The following SYTL5 variants were observed in gnomAD, a reference collection of about 807,000 sequenced individuals.
SYTL5 encodes the protein synaptotagmin-like protein 5.
A neutral mutation model predicts 55.9 loss-of-function variants in SYTL5; 34 were observed. The observed-to-expected ratio is 0.61, with a 90% CI of 0.46 to 0.81. The LOEUF is 0.81. SYTL5 is among the 30% of genes least tolerant of loss of function. The probability of loss-of-function intolerance (pLI) is 0.00; values close to 1 mark genes in which losing one functional copy is unlikely to be tolerated. For synonymous variants in SYTL5, 221 were observed against 188.7 expected, an observed-to-expected ratio of 1.17 and a Z score of -1.40; for missense variants, 637 against 546.7, an observed-to-expected ratio of 1.17 and a Z score of -1.65.
the SYTL5 span, among the ~76,000 whole-genome samples, chrX:37,982,066 A>G: frequency 3.6e-5 from 4 of 112,424 alleles, no homozygotes; most frequent in African/African-American, 1.3e-4. Context: ...AAAGCAGGCA[A>G]CAGAAGCTGC....
the SYTL5 span, among the ~76,000 whole-genome samples, chrX:37,965,438 AT>A: frequency 9.0e-6 from 1 of 111,440 alleles, no homozygotes; most frequent in African/African-American, 3.3e-5. Context: ...TTTGCTATTG[AT>A]TGCTAGTTTC....
chrX:37,957,206 C>T, the SYTL5 span, among the ~76,000 whole-genome samples: 12 of 111,292 alleles, frequency 1.1e-4, no homozygotes, highest in Admixed American at 1.9e-4. Flanking sequence ...ATATATAGTT[C>T]GCAATTTTTT....
the SYTL5 span, among the ~76,000 whole-genome samples, chrX:37,923,188 T>C: frequency 8.9e-6 from 1 of 112,547 alleles, no homozygotes. Context: ...GAGTCATTCT[T>C]TTCATATCCT....
At chrX:37,897,623 CTG>C in the SYTL5 span, among the ~76,000 whole-genome samples, 1 of 111,664 alleles carries the variant, frequency 9.0e-6, no homozygotes, top group African/African-American at 3.3e-5. Context: ...CCTCCTGAAA[CTG>C]TGAAACTTGA....
chrX:37,944,470 G>T, the SYTL5 span, among the ~76,000 whole-genome samples: 1 of 111,546 alleles, frequency 9.0e-6, no homozygotes, highest in Non-Finnish European at 1.9e-5. Context: ...AACCTCTATA[G>T]CAGGAATTTG....
At chrX:37,920,200 G>C in the SYTL5 span, among the ~76,000 whole-genome samples, 4 of 111,643 alleles carry the variant, frequency 3.6e-5, no homozygotes, top group African/African-American at 1.3e-4. Context: ...AGTCCATTCA[G>C]CTCACAGGGA....
Position 38,127,749 on chromosome X carries a change from T to C in SYTL5, c.*1019T>C, listed in dbSNP as rs948373854. The C allele has an allele frequency of 7.1e-5, 8 of 112,156 alleles. No individual in the cohort carries two copies. The highest frequency in any genetic ancestry group is 2.6e-4 in the African/African-American group (8 of 30,815). 9.2% of individuals were successfully genotyped at this position (112,156 alleles called of 1,213,427 possible). On this transcript the variant is annotated 3_prime_UTR_variant, in exon 17 of 17. Coordinates refer to ENST00000297875, the MANE Select transcript of SYTL5 (RefSeq NM_138780.3). ...AAATGTCAGTGGCTTAAAATGACCA[T>C]CCTTTTTCTCACAGTTATGAAGATT...
the SYTL5 span, among the ~76,000 whole-genome samples, chrX:37,922,211 C>T: frequency 9.0e-6 from 1 of 111,696 alleles, no homozygotes; most frequent in Non-Finnish European, 1.9e-5. Flanking sequence ...GGAAGTTCTT[C>T]CTGTGAGGGT....
rs1207661889 is a variant in SYTL5, at chrX:38,126,734, G to C, written c.*4G>C. ...CATGGGAAAATGTAGGCTCTAAAGG[G>C]ACCAGTTCTCCAAGAATGAGGCCAC... On this transcript the variant is annotated 3_prime_UTR_variant, in exon 17 of 17. Transcript: ENST00000297875. 8.3e-7 allele frequency: 1 copy of C among 1,200,249 alleles called. No individual in the cohort carries two copies. The highest frequency in any genetic ancestry group is 1.8e-5 in the African/African-American group (1 of 56,625).
At chrX:38,022,780 C>G (rs748805995) in intron 1 of SYTL5, among the ~76,000 whole-genome samples, 1 of 112,264 alleles carries the variant, frequency 8.9e-6, no homozygotes, top group South Asian at 3.7e-4. Flanking sequence ...TTCAGTTTAT[C>G]ATAGATAGCT....
At chrX:38,053,996 T>C (rs909869264) in intron 2 of SYTL5, among the ~76,000 whole-genome samples, 2 of 111,904 alleles carry the variant, frequency 1.8e-5, no homozygotes, top group African/African-American at 6.5e-5. Context: ...TCCTTCCAAA[T>C]GAAAATATCT....
At chrX:37,913,565 A>G in the SYTL5 span, among the ~76,000 whole-genome samples, 2 of 111,928 alleles carry the variant, frequency 1.8e-5, no homozygotes, top group African/African-American at 6.5e-5. Flanking sequence ...GACTTCTTTG[A>G]TGTTTCAACA....
At chrX:37,895,441 C>CTTCCTTCA in the SYTL5 span, among the ~76,000 whole-genome samples, 1 of 91,479 alleles carries the variant, frequency 1.1e-5, no homozygotes, top group African/African-American at 5.7e-5. Context: ...TCCTTCCTTC[C>CTTCCTTCA]TTCCTTCCTT....
At chrX:38,058,848 G>A (rs1290229414) in intron 3 of SYTL5, among the ~76,000 whole-genome samples, 1 of 110,597 alleles carries the variant, frequency 9.0e-6, no homozygotes, top group Non-Finnish European at 1.9e-5. Flanking sequence ...TGTCATATTT[G>A]AAAACTTCTC....
chrX:38,003,414 C>A (rs1933908813), upstream of SYTL5, among the ~76,000 whole-genome samples: 1 of 111,511 alleles, frequency 9.0e-6, no homozygotes, highest in African/African-American at 3.3e-5. Context: ...AAATCACAAG[C>A]ATTTTTATAC....
At chrX:38,072,624 T>C (rs1044865851) in intron 4 of SYTL5, among the ~76,000 whole-genome samples, 1 of 111,669 alleles carries the variant, frequency 9.0e-6, no homozygotes, top group Non-Finnish European at 1.9e-5. Context: ...TCCCTCAAAA[T>C]GGGAGCATTT....
At chrX:38,080,150 A>G (rs770817223) in intron 6 of SYTL5, among the ~76,000 whole-genome samples, 75 of 111,304 alleles carry the variant, frequency 6.7e-4, no homozygotes, top group African/African-American at 2.3e-3. Context: ...GACATCCATT[A>G]GCAGAAAAGA....
chrX:38,010,419 T>TGATG (rs1319029592), intron 1 of SYTL5, among the ~76,000 whole-genome samples: 1 of 111,746 alleles, frequency 8.9e-6, no homozygotes, highest in Non-Finnish European at 1.9e-5. Context: ...AAAAAAAGAA[T>TGATG]GATCTTGCCA....
At chrX:38,037,548 A>G (rs1004830970) in intron 2 of SYTL5, among the ~76,000 whole-genome samples, 13 of 111,884 alleles carry the variant, frequency 1.2e-4, no homozygotes, top group African/African-American at 3.9e-4. Flanking sequence ...GATCTTCCCA[A>G]CAATTTTTAT....
Sources: gnomAD v4.1 joint callset for allele counts (sites outside exome capture counted in the v4.1 genomes callset) on GRCh38, gnomAD v4.1.1 for gene constraint, MANE v1.5 for transcripts, NCBI Gene and HGNC (gene_info 2026-07-23, HGNC 2026-07-21) for gene names.